The following CDH12 variants were observed in gnomAD, a reference collection of about 807,000 sequenced individuals.
The protein encoded by CDH12 is cadherin-12.
CDH12 carries 41 observed loss-of-function variants against 74.1 expected under a neutral mutation model. The ratio of observed to expected loss-of-function variants is 0.55; its 90% CI spans 0.43 to 0.72. The LOEUF (loss-of-function observed/expected upper bound fraction) is 0.72, where lower values mean the gene tolerates loss of function less well. Among genes scored for constraint, CDH12 ranks in the 30% least tolerant of loss-of-function variants. The probability of loss-of-function intolerance (pLI) is 0.00; values close to 1 mark genes in which losing one functional copy is unlikely to be tolerated. For synonymous variants in CDH12, 399 were observed against 355.0 expected, an observed-to-expected ratio of 1.12 and a Z score of -1.39; for missense variants, 945 against 977.2, an observed-to-expected ratio of 0.97 and a Z score of 0.44.
At chr5:21,869,254 A>C (rs1751491828) in intron 6 of CDH12, among the ~76,000 whole-genome samples, 1 of 152,184 alleles carries the variant, frequency 6.6e-6, no homozygotes, top group Non-Finnish European at 1.5e-5. Flanking sequence ...CTCTAGTTTT[A>C]TCATGCCCTA....
chr5:22,050,454 CA>C (rs1333858719), intron 5 of CDH12, among the ~76,000 whole-genome samples: 1 of 152,110 alleles, frequency 6.6e-6, no homozygotes, highest in Non-Finnish European at 1.5e-5. Flanking sequence ...CAGAGGTTCA[CA>C]ATACGTGCCT....
chr5:22,673,938 A>G (rs908862907), intron 1 of CDH12, among the ~76,000 whole-genome samples: 13 of 152,208 alleles, frequency 8.5e-5, no homozygotes, highest in African/African-American at 3.1e-4. Context: ...TTAGAGTAGA[A>G]TCTCCTTATG....
chr5:22,683,870 C>G (rs748677740), intron 1 of CDH12, among the ~76,000 whole-genome samples: 9 of 152,212 alleles, frequency 5.9e-5, no homozygotes, highest in Non-Finnish European at 1.5e-5. Flanking sequence ...ATAGACATCA[C>G]AAGAAGTAAC....
chr5:22,143,821 A>G (rs1000022651), intron 4 of CDH12: 2 of 152,316 alleles, frequency 1.3e-5, no homozygotes, highest in African/African-American at 2.4e-5. Flanking sequence ...AAATAGCGTC[A>G]GTGTCCTAAT....
intron 4 of CDH12, among the ~76,000 whole-genome samples, chr5:22,165,759 G>A (rs931990345): frequency 6.6e-6 from 1 of 152,148 alleles, no homozygotes; most frequent in African/African-American, 2.4e-5. Flanking sequence ...ACAGACTGCA[G>A]TAAAGAAGTC....
chr5:21,985,866 G>T (rs1757495593), intron 5 of CDH12, among the ~76,000 whole-genome samples: 1 of 152,092 alleles, frequency 6.6e-6, no homozygotes, highest in African/African-American at 2.4e-5. Context: ...ACCCAAAGAT[G>T]ATCTATAACT....
At chr5:22,579,581 T>A (rs2126780412) in intron 1 of CDH12, among the ~76,000 whole-genome samples, 1 of 152,250 alleles carries the variant, frequency 6.6e-6, no homozygotes, top group South Asian at 2.1e-4. Flanking sequence ...TTGGATGACA[T>A]GATTGGAAGT....
At chr5:22,366,315 A>G (rs1157193392) in intron 3 of CDH12, among the ~76,000 whole-genome samples, 1 of 151,910 alleles carries the variant, frequency 6.6e-6, no homozygotes, top group African/African-American at 2.4e-5. Flanking sequence ...CATGTGAGCT[A>G]GTTCCCCAAA....
chr5:22,291,786 T>G (rs1249974081), intron 3 of CDH12, among the ~76,000 whole-genome samples: 1 of 152,206 alleles, frequency 6.6e-6, no homozygotes, highest in Admixed American at 6.5e-5. Flanking sequence ...TCCAAAGTGA[T>G]CTACAAATTT....
intron 3 of CDH12, among the ~76,000 whole-genome samples, chr5:22,397,646 G>A (rs1742514387): frequency 6.6e-6 from 1 of 151,976 alleles, no homozygotes; most frequent in South Asian, 2.1e-4. Flanking sequence ...ATCAGGCACT[G>A]GTAAAGTAGT....
chr5:22,053,729 C>T (rs956362186), intron 5 of CDH12, among the ~76,000 whole-genome samples: 1 of 152,078 alleles, frequency 6.6e-6, no homozygotes, highest in African/African-American at 2.4e-5. Context: ...GCAGAAAACA[C>T]TCGATGATAG....
chr5:22,490,769 CT>C (rs1289923642), intron 2 of CDH12, among the ~76,000 whole-genome samples: 3 of 151,984 alleles, frequency 2.0e-5, no homozygotes, highest in African/African-American at 7.2e-5. Context: ...AGTAAGTCTC[CT>C]TTTTATAGTG....
chr5:22,692,186 A>C (rs893269301), intron 1 of CDH12, among the ~76,000 whole-genome samples: 1 of 152,156 alleles, frequency 6.6e-6, no homozygotes, highest in Non-Finnish European at 1.5e-5. Flanking sequence ...AGCTCCCTCC[A>C]TCAGCTCCCC....
chr5:22,158,081 T>G (rs1748134069), intron 4 of CDH12, among the ~76,000 whole-genome samples: 1 of 152,078 alleles, frequency 6.6e-6, no homozygotes, highest in African/African-American at 2.4e-5. Context: ...AGAGTACAAC[T>G]TTAAAGTGTT....
intron 6 of CDH12, among the ~76,000 whole-genome samples, chr5:21,929,497 C>CTT (rs918546513): frequency 1.3e-5 from 2 of 151,906 alleles, no homozygotes; most frequent in African/African-American, 4.8e-5. Flanking sequence ...AATGCTACCA[C>CTT]TGATCTGACA....
At chr5:22,023,566 A>G (rs557758964) in intron 5 of CDH12, among the ~76,000 whole-genome samples, 2 of 150,838 alleles carry the variant, frequency 1.3e-5, no homozygotes, top group African/African-American at 4.9e-5. Flanking sequence ...ATACACACGA[A>G]TATTCTCTCT....
intron 1 of CDH12, among the ~76,000 whole-genome samples, chr5:22,637,042 A>T (rs1738876535): frequency 6.6e-6 from 1 of 152,228 alleles, no homozygotes; most frequent in Non-Finnish European, 1.5e-5. Context: ...GTGGGGATGA[A>T]GTTCACTAAG....
At chr5:21,758,463 A>G (rs977858759) in intron 13 of CDH12, among the ~76,000 whole-genome samples, 3 of 152,078 alleles carry the variant, frequency 2.0e-5, no homozygotes, top group African/African-American at 7.2e-5. Flanking sequence ...ATCTCAATAC[A>G]ATTTGTTCAC....
At chr5:22,685,007 G>T (rs1741686175) in intron 1 of CDH12, among the ~76,000 whole-genome samples, 1 of 152,194 alleles carries the variant, frequency 6.6e-6, no homozygotes, top group Non-Finnish European at 1.5e-5. Context: ...AATAAAAATA[G>T]TTTTTTGGCA....
Sources: gnomAD v4.1 joint callset for allele counts (sites outside exome capture counted in the v4.1 genomes callset) on GRCh38, gnomAD v4.1.1 for gene constraint, MANE v1.5 for transcripts, NCBI Gene and HGNC (gene_info 2026-07-23, HGNC 2026-07-21) for gene names.